Variants in CACNA1H observed in about 807,000 individuals in gnomAD.
The protein encoded by CACNA1H is calcium voltage-gated channel subunit alpha1 H, also known as voltage-dependent T-type calcium channel subunit alpha-1H.
In CACNA1H, 149 loss-of-function variants were observed where a neutral mutation model predicts 192.5. That is an observed-to-expected ratio of 0.77 (90% CI 0.68 to 0.89). CACNA1H has a LOEUF of 0.89. CACNA1H is among the 40% of genes least tolerant of loss of function. The pLI is 0.00. For missense variants in CACNA1H, 4,257 were observed against 3,423.5 expected (o/e 1.24, Z -6.08); for synonymous variants, 2,202 against 1,475.2 (o/e 1.49, Z -11.29).
intron 27 of CACNA1H, among the ~76,000 whole-genome samples, chr16:1,214,753 C>T (rs889884238): frequency 2.6e-5 from 4 of 152,082 alleles, no homozygotes; most frequent in Non-Finnish European, 4.4e-5. Context: ...GGGAGGGTAC[C>T]TTTCACTCAT....
At chr16:1,205,312 C>T (rs555333010) in intron 11 of CACNA1H, 47 bp downstream of exon 11, 183 of 1,555,322 alleles carry the variant, frequency 1.2e-4, no homozygotes, top group Non-Finnish European at 1.5e-4. Context: ...GGAAGCTCCA[C>T]TCTCTGGCAG....
chr16:1,179,495 C>T (rs1388352922), intron 2 of CACNA1H, among the ~76,000 whole-genome samples: 2 of 151,842 alleles, frequency 1.3e-5, no homozygotes, highest in East Asian at 1.9e-4. Context: ...CTGGTGTGAT[C>T]TCGGCTCACC....
chr16:1,190,406 T>C (rs898683678), intron 2 of CACNA1H, among the ~76,000 whole-genome samples: 1 of 152,154 alleles, frequency 6.6e-6, no homozygotes, highest in Non-Finnish European at 1.5e-5. Context: ...CCCACAGAAG[T>C]GTGACACATG....
At position 1,204,157 on chromosome 16, in the gene CACNA1H, C is replaced by G; in HGVS notation, c.2150C>G (p.Ser717Trp). The stretch of plus-strand genomic sequence containing the variant: ...GACCCGGAGGGTGAGCTCAGCGGCT[C>G]GGAAAGTGGAGACTCAGATGGCCGT... ...LEDPEGELSG[S>W]ESGDSDGRGV... is the part of the protein sequence containing the mutation. Residue 717 changes from serine to tryptophan, a missense_variant, in exon 10 of 35, where the codon TCG (serine) becomes TGG (tryptophan). Coordinates refer to ENST00000348261, the MANE Select transcript of CACNA1H (RefSeq NM_021098.3). The G allele has an allele frequency of 6.2e-7, 1 of 1,612,338 alleles. No individual in the cohort carries two copies. The highest frequency in any genetic ancestry group is 8.5e-7 in the Non-Finnish European group (1 of 1,179,728).
Position 1,219,034 on chromosome 16 carries a change from T to C in CACNA1H, c.5952T>C (p.Ala1984=), listed in dbSNP as rs1472691681. 1.9e-6 allele frequency: 3 copies of C among 1,549,986 alleles called. No individual in the cohort carries two copies. The highest frequency in any genetic ancestry group is 1.7e-6 in the Non-Finnish European group (2 of 1,146,690). Residue 1984 remains alanine (A), a synonymous_variant, in exon 34 of 35, where the codon GCT becomes GCC. Transcript: ENST00000348261. ...GTGCCTCCCTCCAGATCCCATTGGC[T>C]GTGTCGTCCCCAGCCAGGAGCGGCG... The part of the protein sequence containing the change: ...ESCASLQIPL[A]VSSPARSGEP...
intron 9 of CACNA1H, among the ~76,000 whole-genome samples, 176 bp from the exon 10 acceptor site, chr16:1,203,834 C>T (rs867966746): frequency 7.9e-5 from 12 of 152,354 alleles, no homozygotes; most frequent in East Asian, 1.9e-4. Context: ...TAACCCATGA[C>T]ACCTGCAAAG....
At position 1,221,215 on chromosome 16, in the gene CACNA1H, G is replaced by A. The variant is rs992634398; in HGVS notation, c.*221G>A. 11 of 514,774 alleles carry A rather than the reference G, an allele frequency of 2.1e-5. No individual in the cohort carries two copies. The highest frequency in any genetic ancestry group is 1.1e-4 in the South Asian group (3 of 26,824). 31.9% of individuals were successfully genotyped at this position (514,774 alleles called of 1,614,324 possible). A position where few individuals can be genotyped will look rare whatever the true frequency, so the allele number is the denominator to read the frequency against. ...TCCGTTCTGGTTCGGGTTTCTCCGA[G>A]TTTTGCTACCAGCCGAGGCTGTGCG... On this transcript the variant is annotated 3_prime_UTR_variant, in exon 35 of 35. Coordinates refer to ENST00000348261, the MANE Select transcript of CACNA1H (RefSeq NM_021098.3).
In CACNA1H at chr16:1,194,687, C is replaced by T. The variant is rs752755567; in HGVS notation, c.300-285C>T. Among the ~76,000 whole-genome samples, 5 of 152,214 alleles carry T rather than the reference C, an allele frequency of 3.3e-5. No homozygotes were observed. The East Asian group carries it at 7.7e-4, about 23-fold the overall frequency. On this transcript the variant is annotated intron_variant, in intron 2 of 34. Coordinates refer to ENST00000348261, the MANE Select transcript of CACNA1H (RefSeq NM_021098.3). ...CTCACTACCGATGCGGCCAGCCCAC[C>T]GAGGGCTCCTGCACCCCGCTTTCCT...
Position 1,201,989 on chromosome 16 carries a change from G to A in CACNA1H, c.1539G>A (p.Ser513=), listed in dbSNP as rs770284927. 17 of 1,540,604 alleles carry A rather than the reference G, an allele frequency of 1.1e-5. No individual in the cohort carries two copies. The highest frequency in any genetic ancestry group is 3.9e-5 in the Admixed American group (2 of 50,862). The change falls in exon 9 of 35, where the codon TCG becomes TCA. Residue 513 remains serine (S), a synonymous_variant. Transcript: ENST00000348261. The part of the protein sequence containing the change: ...RQRRAGRHTA[S]VHHLVYHHHH... ...GCCGGGCAGGCAGGCACACAGCCTC[G>A]GTGCACCACCTGGTCTACCACCACC...
rs758391189 is a variant in CACNA1H at position 1,218,293 on chromosome 16, C to T, written c.5529C>T (p.Phe1843=). The change falls in exon 33 of 35, where the codon TTC becomes TTT. Residue 1843 remains phenylalanine (F), a synonymous_variant. Transcript: ENST00000348261. ...PALSPVYFVT[F]VLVAQFVLVN... ...TGTCGCCCGTCTACTTCGTGACCTT[C>T]GTGCTGGTGGCCCAGTTCGTGCTGG... 4.5e-6 allele frequency: 7 copies of T among 1,553,702 alleles called. No homozygotes were observed. In the African/African-American group the frequency reaches 5.5e-5, roughly 12 times the overall value.
chr16:1,200,112 C>A, intron 6 of CACNA1H, 144 bp from the exon 7 acceptor site: 1 of 667,642 alleles, frequency 1.5e-6, no homozygotes, highest in South Asian at 2.0e-5. Flanking sequence ...CCTAACCGTG[C>A]CTCCCTAACC....
In CACNA1H at chr16:1,160,616, C is replaced by T. The variant is rs1395629972; in HGVS notation, c.299+6580C>T. 3.9e-5 allele frequency among the ~76,000 whole-genome samples: 6 copies of T among 152,336 alleles called. No homozygotes were observed. The East Asian group carries it at 9.6e-4, about 24-fold the overall frequency. ...TGCCGCCACGTGGCCGCTGGTGTCCCTGGCCTCCGTGCACACTCCTCGCGG... is the reference window on the plus strand; with the variant it reads ...TGCCGCCACGTGGCCGCTGGTGTCCTTGGCCTCCGTGCACACTCCTCGCGG... On this transcript the variant is annotated intron_variant, in intron 2 of 34. Transcript: ENST00000348261.
At chr16:1,218,068 C>T (rs1278462907) in intron 32 of CACNA1H, 28 bp downstream of exon 32, 11 of 1,588,866 alleles carry the variant, frequency 6.9e-6, no homozygotes, top group East Asian at 2.3e-5. Flanking sequence ...GCCTCTGGCA[C>T]CTGGCAGCCC....
intron 8 of CACNA1H, among the ~76,000 whole-genome samples, 164 bp from the exon 9 acceptor site, chr16:1,201,499 G>A (rs979272631): frequency 1.3e-5 from 2 of 152,108 alleles, no homozygotes; most frequent in African/African-American, 2.4e-5. Flanking sequence ...CTCCAGACGT[G>A]GGGGCTCAGC....
chr16:1,218,910 G>A, intron 33 of CACNA1H, 60 bp from the exon 34 acceptor site: 1 of 1,517,984 alleles, frequency 6.6e-7, no homozygotes, highest in Non-Finnish European at 8.9e-7. Flanking sequence ...ACGGGGGTGG[G>A]TGGCAGCTGG....
chr16:1,220,406 G>A lies in CACNA1H; in HGVS notation c.6474G>A (p.Ala2158=), dbSNP rs747394862. 39 of 1,524,346 alleles carry A rather than the reference G, an allele frequency of 2.6e-5. No homozygotes were observed. Among genetic ancestry groups the A allele is most frequent in the Admixed American group, 6.7e-5 (3 of 44,640 alleles). The allele number at this position is 1,524,346 out of a possible 1,614,324, so 94.4% of individuals were successfully genotyped here. Residue 2158 remains alanine (A), a synonymous_variant, in exon 35 of 35, where the codon GCG becomes GCA. Coordinates refer to ENST00000348261, the MANE Select transcript of CACNA1H (RefSeq NM_021098.3). ...GRADEQWRPS[A]ELGSGEPGEA... is the part of the protein sequence containing the mutation. ...CAGACGAGCAGTGGCGGCCCTCGGC[G>A]GAGCTGGGCAGCGGGGAGCCTGGGG...
chr16:1,207,914 G>A, intron 15 of CACNA1H, 54 bp downstream of exon 15: 2 of 1,542,098 alleles, frequency 1.3e-6, no homozygotes, highest in Non-Finnish European at 1.8e-6. Flanking sequence ...ACGCTGGGCT[G>A]GCCGGGCAGG....
Position 1,153,342 on chromosome 16 carries a change from GGGGGCCGGGGCCGGGGCC to G in CACNA1H, c.-142_-125del, listed in dbSNP as rs943338712. The G allele has an allele frequency of 9.9e-6, 1 of 101,484 alleles. No individual in the cohort carries two copies. The highest frequency in any genetic ancestry group is 3.2e-5 in the African/African-American group (1 of 31,502). The allele number at this position is 101,484 out of a possible 1,614,324, so 6.3% of individuals were successfully genotyped here. On this transcript the variant is annotated 5_prime_UTR_variant, in exon 1 of 35. Transcript: ENST00000348261. ...GACGCGGGCCGGGGGCGGAGGCGCT[GGGGGCCGGGGCCGGGGCC>G]GGGGGCGGAGGCGCTGGGGGCCGGG...
At chr16:1,205,335 C>T (rs1968558747) in intron 11 of CACNA1H, 70 bp downstream of exon 11, 2 of 1,464,340 alleles carry the variant, frequency 1.4e-6, no homozygotes, top group African/African-American at 1.4e-5. Flanking sequence ...ATCCCACCTG[C>T]AGAGCAAAAC....
Sources: allele counts gnomAD v4.1 joint callset (sites outside exome capture counted in the v4.1 genomes callset), GRCh38; gene constraint gnomAD v4.1.1; transcripts MANE v1.5; gene names NCBI Gene and HGNC (gene_info 2026-07-23, HGNC 2026-07-21).